Variants in GPATCH2 observed in about 807,000 individuals in gnomAD.
GPATCH2 encodes the protein G patch domain-containing protein 2.
A neutral mutation model predicts 58.0 loss-of-function variants in GPATCH2; 51 were observed. The ratio of observed to expected loss-of-function variants is 0.88; its 90% confidence interval spans 0.70 to 1.11. The LOEUF (loss-of-function observed/expected upper bound fraction) is 1.11, where lower values mean the gene tolerates loss of function less well. Ranked by LOEUF, GPATCH2 falls within the 50% of genes most tolerant of loss-of-function variation. GPATCH2 has a pLI of 0.00. For synonymous variants in GPATCH2, 222 were observed against 218.5 expected (o/e 1.02, Z -0.14); for missense variants, 625 against 652.2 (o/e 0.96, Z 0.45).
intron 8 of GPATCH2, among the ~76,000 whole-genome samples, 186 bp from the exon 9 acceptor site, chr1:217,449,523 C>T (rs190136757): frequency 2.6e-5 from 4 of 152,222 alleles, no homozygotes; most frequent in South Asian, 4.1e-4. Flanking sequence ...CAGCTAAATG[C>T]GCCATCATAA....
chr1:217,467,709 AT>A (rs1043066411), intron 8 of GPATCH2, among the ~76,000 whole-genome samples: 5 of 152,116 alleles, frequency 3.3e-5, no homozygotes, highest in African/African-American at 1.2e-4. Flanking sequence ...AAAAAAAAAA[AT>A]CCTAACTCAT....
chr1:217,510,411 G>A (rs1332087824), intron 6 of GPATCH2, among the ~76,000 whole-genome samples: 2 of 151,372 alleles, frequency 1.3e-5, no homozygotes, highest in African/African-American at 4.8e-5. Flanking sequence ...TTCTTTAAAA[G>A]TTGAAAATTT....
intron 9 of GPATCH2, 80 bp downstream of exon 9, chr1:217,449,169 T>G: frequency 1.3e-6 from 1 of 798,046 alleles, no homozygotes. Context: ...TTGCAAGTGA[T>G]TAAGAAGTAT....
chr1:217,555,493 A>C (rs923951880), intron 5 of GPATCH2, among the ~76,000 whole-genome samples: 14 of 152,050 alleles, frequency 9.2e-5, no homozygotes, highest in Admixed American at 4.6e-4. Context: ...TTCTGATGTA[A>C]TTTTACTATT....
intron 5 of GPATCH2, among the ~76,000 whole-genome samples, chr1:217,601,358 T>C (rs796092078): frequency 1.3e-5 from 2 of 152,178 alleles, no homozygotes; most frequent in East Asian, 3.9e-4. Flanking sequence ...CTTACGTGTT[T>C]CAAAATATCA....
chr1:217,538,090 A>T (rs1053509742), intron 5 of GPATCH2, among the ~76,000 whole-genome samples: 1 of 152,166 alleles, frequency 6.6e-6, no homozygotes, highest in Non-Finnish European at 1.5e-5. Flanking sequence ...TCCTGTAGGT[A>T]TCAACTAAAA....
chr1:217,591,126 G>A (rs1667570000), intron 5 of GPATCH2, among the ~76,000 whole-genome samples: 1 of 152,108 alleles, frequency 6.6e-6, no homozygotes, highest in African/African-American at 2.4e-5. Context: ...ACAAAAGAAA[G>A]TAGAAAAGTT....
chr1:217,528,255 T>C (rs1664017614), intron 5 of GPATCH2, among the ~76,000 whole-genome samples: 2 of 152,218 alleles, frequency 1.3e-5, no homozygotes, highest in African/African-American at 2.4e-5. Context: ...CAGATTTTCA[T>C]GACTAATTGA....
At chr1:217,492,327 T>C (rs1312060943) in intron 7 of GPATCH2, among the ~76,000 whole-genome samples, 2 of 152,146 alleles carry the variant, frequency 1.3e-5, no homozygotes, top group Admixed American at 1.3e-4. Context: ...AAAAACATAT[T>C]TGATTGCCTC....
chr1:217,430,536 G>A lies in GPATCH2; in HGVS notation c.*609C>T, dbSNP rs2102516590. On this transcript the variant is annotated 3_prime_UTR_variant, in exon 10 of 10. Coordinates refer to ENST00000366935, the MANE Select transcript of GPATCH2 (RefSeq NM_018040.5). ...GGTTTATTTTTGTCAAAACATCCAA[G>A]GGAAACATTAATTGTTGTTTGTCAA... 1 of 152,348 alleles carries A rather than the reference G, an allele frequency of 6.6e-6. No homozygotes were observed. The highest frequency in any genetic ancestry group is 6.5e-5 in the Admixed American group (1 of 15,308). The allele number at this position is 152,348 out of a possible 1,614,324, so 9.4% of individuals were successfully genotyped here.
intron 5 of GPATCH2, among the ~76,000 whole-genome samples, chr1:217,596,034 TAAATC>T (rs1667811588): frequency 1.3e-5 from 2 of 152,070 alleles, no homozygotes; most frequent in Non-Finnish European, 2.9e-5. Flanking sequence ...TAACATAACT[TAAATC>T]AAAAGATACC....
chr1:217,431,159 C>T lies in GPATCH2; in HGVS notation c.1573G>A (p.Gly525Arg). Residue 525 changes from glycine (G) to arginine (R), a missense_variant, in exon 10 of 10, where the codon GGA becomes AGA. Transcript: ENST00000366935. Reference protein sequence around the residue: ...STSATTTPNAGKSA With the variant: ...STSATTTPNARKSA ...CTTTGCTTTTCTTAGGCGGATTTTC[C>T]TGCATTGGGGGTAGTAGTTGCGGAA... 6.6e-7 allele frequency: 1 copy of T among 1,515,722 alleles called. No individual in the cohort carries two copies. Among genetic ancestry groups the T allele is most frequent in the Non-Finnish European group, 9.2e-7 (1 of 1,090,142 alleles). The allele number at this position is 1,515,722 out of a possible 1,614,324, so 93.9% of individuals were successfully genotyped here.
chr1:217,537,287 C>T (rs191247120), intron 5 of GPATCH2, among the ~76,000 whole-genome samples: 2 of 152,206 alleles, frequency 1.3e-5, no homozygotes, highest in African/African-American at 4.8e-5. Context: ...GGTAGCAAAT[C>T]CCTTGACAAT....
intron 5 of GPATCH2, among the ~76,000 whole-genome samples, chr1:217,587,070 G>T (rs1667374826): frequency 6.6e-6 from 1 of 152,104 alleles, no homozygotes; most frequent in Admixed American, 6.6e-5. Context: ...GGGAAGTTCT[G>T]CAACTTTGGA....
intron 1 of GPATCH2, among the ~76,000 whole-genome samples, chr1:217,625,946 T>C (rs1669432896): frequency 6.6e-6 from 1 of 152,164 alleles, no homozygotes; most frequent in Non-Finnish European, 1.5e-5. Flanking sequence ...ATCACGCCAC[T>C]GCACTCCAGT....
intron 5 of GPATCH2, among the ~76,000 whole-genome samples, chr1:217,546,609 G>A (rs1213049687): frequency 6.6e-6 from 1 of 152,088 alleles, no homozygotes; most frequent in Non-Finnish European, 1.5e-5. Flanking sequence ...AAATTGTGAT[G>A]GATTAAAGAT....
At chr1:217,476,546 A>C (rs993603873) in intron 8 of GPATCH2, among the ~76,000 whole-genome samples, 2 of 152,148 alleles carry the variant, frequency 1.3e-5, no homozygotes, top group African/African-American at 4.8e-5. Flanking sequence ...GTGGTGTAGT[A>C]TGAAAGCACG....
chr1:217,531,329 T>C (rs776412178), intron 5 of GPATCH2, among the ~76,000 whole-genome samples: 1 of 152,218 alleles, frequency 6.6e-6, no homozygotes, highest in Non-Finnish European at 1.5e-5. Context: ...TTGCCTACAG[T>C]GAAACATGTG....
chr1:217,627,237 GA>G (rs1669512456), intron 1 of GPATCH2, among the ~76,000 whole-genome samples: 1 of 151,944 alleles, frequency 6.6e-6, no homozygotes, highest in Admixed American at 6.6e-5. Flanking sequence ...ACAAATAAGA[GA>G]AACTGGTCAC....
Sources: gnomAD v4.1 joint callset for allele counts (sites outside exome capture counted in the v4.1 genomes callset) on GRCh38, gnomAD v4.1.1 for gene constraint, MANE v1.5 for transcripts, NCBI Gene and HGNC (gene_info 2026-07-23, HGNC 2026-07-21) for gene names.